The following ASIC2 variants were observed in gnomAD, a reference collection of about 807,000 sequenced individuals.
The protein encoded by ASIC2 is acid sensing ion channel subunit 2.
Under a neutral mutation model 57.3 loss-of-function variants are expected in ASIC2, and 25 were observed. The observed-to-expected ratio is 0.44, with a 90% CI of 0.32 to 0.61. ASIC2 has a LOEUF of 0.61. Ranked by LOEUF, ASIC2 falls within the 20% of genes least tolerant of loss-of-function variation. The pLI is 0.06. For synonymous variants in ASIC2, 319 were observed against 307.5 expected (o/e 1.04, Z -0.39); for missense variants, 641 against 738.1 (o/e 0.87, Z 1.52).
intron 1 of ASIC2, among the ~76,000 whole-genome samples, chr17:33,628,638 T>C (rs570783705): frequency 2.0e-5 from 3 of 152,220 alleles, no homozygotes; most frequent in African/African-American, 4.8e-5. Flanking sequence ...CCCTTTGTGT[T>C]TGTATCCCTG....
chr17:33,326,679 T>C (rs1367125379), intron 1 of ASIC2, among the ~76,000 whole-genome samples: 1 of 152,244 alleles, frequency 6.6e-6, no homozygotes, highest in Admixed American at 6.5e-5. Context: ...GCCTGTAGAA[T>C]TGCTGATGAA....
At chr17:33,770,268 C>A (rs1212019521) in intron 1 of ASIC2, among the ~76,000 whole-genome samples, 3 of 152,206 alleles carry the variant, frequency 2.0e-5, no homozygotes, top group South Asian at 4.1e-4. Flanking sequence ...TCAGAGCAAG[C>A]CTTTGGAGTT....
chr17:34,113,154 T>G (rs145708114), intron 1 of ASIC2, among the ~76,000 whole-genome samples: 96 of 152,182 alleles, frequency 6.3e-4, no homozygotes, highest in African/African-American at 2.3e-3. Flanking sequence ...CTGGAGTGAG[T>G]AGACTGCAAC....
chr17:33,394,552 G>A (rs566473098), intron 1 of ASIC2, among the ~76,000 whole-genome samples: 1 of 152,304 alleles, frequency 6.6e-6, no homozygotes, highest in African/African-American at 2.4e-5. Context: ...TGTGAGCAGG[G>A]TATGAGGGAC....
At chr17:33,988,955 G>C (rs1905916000) in intron 1 of ASIC2, among the ~76,000 whole-genome samples, 1 of 152,012 alleles carries the variant, frequency 6.6e-6, no homozygotes, top group Admixed American at 6.6e-5. Flanking sequence ...TTGTTCCCTT[G>C]CCTGGCTTCT....
intron 1 of ASIC2, among the ~76,000 whole-genome samples, chr17:33,725,721 A>C (rs868754614): frequency 3.2e-3 from 422 of 130,534 alleles, no homozygotes; most frequent in Admixed American, 6.1e-3. Context: ...CTATTAAGAA[A>C]CCCCCCCCCC....
At chr17:33,638,191 C>T (rs773728185) in intron 1 of ASIC2, among the ~76,000 whole-genome samples, 6 of 152,200 alleles carry the variant, frequency 3.9e-5, no homozygotes, top group Non-Finnish European at 8.8e-5. Flanking sequence ...TATCATTTAA[C>T]TATACCTATA....
intron 1 of ASIC2, among the ~76,000 whole-genome samples, chr17:33,627,748 C>A (rs1308921355): frequency 6.6e-6 from 1 of 152,178 alleles, no homozygotes; most frequent in Admixed American, 6.5e-5. Flanking sequence ...TAATATTTTT[C>A]AGGGATTTGA....
At position 33,103,431 on chromosome 17, in the gene ASIC2, C is replaced by T. The variant is rs1328944564; in HGVS notation, c.859+8486G>A. 2.0e-5 allele frequency among the ~76,000 whole-genome samples: 3 copies of T among 152,196 alleles called. No homozygotes were observed. The East Asian group carries it at 5.8e-4, about 29-fold the overall frequency. On this transcript the variant is annotated intron_variant, in intron 2 of 9. Transcript: ENST00000225823. ...GAACCCAAGCAGCCTGGCTCTATATCTTGTGCTGTTAGCCAATGTGTCTAT... is the reference window on the plus strand; with the variant it reads ...GAACCCAAGCAGCCTGGCTCTATATTTTGTGCTGTTAGCCAATGTGTCTAT...
chr17:33,162,365 C>T (rs907622134), intron 1 of ASIC2, among the ~76,000 whole-genome samples: 3 of 152,170 alleles, frequency 2.0e-5, no homozygotes, highest in Non-Finnish European at 1.5e-5. Context: ...TAAATCTCCT[C>T]GCACGGAACA....
At chr17:33,811,959 T>G (rs1361571844) in intron 1 of ASIC2, among the ~76,000 whole-genome samples, 1 of 152,232 alleles carries the variant, frequency 6.6e-6, no homozygotes, top group Non-Finnish European at 1.5e-5. Context: ...GCTATATTTG[T>G]GAAGCTGCTA....
chr17:33,221,246 G>C (rs1907682149), intron 1 of ASIC2, among the ~76,000 whole-genome samples: 1 of 152,116 alleles, frequency 6.6e-6, no homozygotes, highest in Admixed American at 6.5e-5. Flanking sequence ...TCCTACATCT[G>C]AGGAACAACT....
At chr17:33,144,026 G>A (rs1904437501) in intron 1 of ASIC2, among the ~76,000 whole-genome samples, 1 of 151,914 alleles carries the variant, frequency 6.6e-6, no homozygotes. Context: ...CATTTTCTGG[G>A]AACCAACTCC....
intron 1 of ASIC2, among the ~76,000 whole-genome samples, chr17:33,275,244 C>T (rs949711846): frequency 1.3e-5 from 2 of 152,170 alleles, no homozygotes; most frequent in Admixed American, 1.3e-4. Flanking sequence ...ACACAATTCC[C>T]CTCCCACCCA....
At chr17:34,040,472 G>T (rs1908088942) in intron 1 of ASIC2, among the ~76,000 whole-genome samples, 1 of 148,438 alleles carries the variant, frequency 6.7e-6, no homozygotes, top group South Asian at 2.2e-4. Context: ...GGTGGGGGGG[G>T]TCCCCGCTGC....
chr17:33,182,433 CATT>C (rs1297437521), intron 1 of ASIC2, among the ~76,000 whole-genome samples: 1 of 152,116 alleles, frequency 6.6e-6, no homozygotes, highest in Admixed American at 6.5e-5. Flanking sequence ...TTGTTGTTAT[CATT>C]ATTATTGTTT....
Position 33,016,492 on chromosome 17 carries a change from G to A in ASIC2, c.1522-453C>T, listed in dbSNP as rs1016243693. Among the ~76,000 whole-genome samples the A allele has an allele frequency of 3.0e-4, 46 of 152,140 alleles. 1 individual carries two copies. The highest frequency in any genetic ancestry group is 8.8e-5 in the Non-Finnish European group (6 of 68,028). On this transcript the variant is annotated intron_variant, in intron 8 of 9. Coordinates refer to ENST00000225823, the MANE Select transcript of ASIC2 (RefSeq NM_183377.2). ...CTGAGTTCATAACATTTTACTCCTAGCAATAGAGGGTAGTTCTTAAATCTG... is the reference window on the plus strand; with the variant it reads ...CTGAGTTCATAACATTTTACTCCTAACAATAGAGGGTAGTTCTTAAATCTG...
At chr17:33,430,899 TTGGGTAATGAGGTAAAGCACAC>T (rs1383901735) in intron 1 of ASIC2, among the ~76,000 whole-genome samples, 40 of 152,248 alleles carry the variant, frequency 2.6e-4, no homozygotes, top group African/African-American at 9.6e-4. Context: ...TCCATGCACA[TTGGGTAATGAGGTAAAGCACAC>T]TGGGTAATGA....
chr17:33,559,792 C>T (rs372801396), intron 1 of ASIC2, among the ~76,000 whole-genome samples: 1 of 152,260 alleles, frequency 6.6e-6, no homozygotes, highest in South Asian at 2.1e-4. Context: ...AGTAAATTCC[C>T]AACACACAGT....
Sources: allele counts gnomAD v4.1 joint callset (sites outside exome capture counted in the v4.1 genomes callset), GRCh38; gene constraint gnomAD v4.1.1; transcripts MANE v1.5; gene names NCBI Gene and HGNC (gene_info 2026-07-23, HGNC 2026-07-21).